Variants in GSE1 observed in about 807,000 individuals in gnomAD.
The protein encoded by GSE1 is genetic suppressor element 1.
Under a neutral mutation model 112.6 loss-of-function variants are expected in GSE1, and 32 were observed. The ratio of observed to expected loss-of-function variants is 0.28; its 90% CI spans 0.21 to 0.38. The LOEUF (loss-of-function observed/expected upper bound fraction) is 0.38, where lower values mean the gene tolerates loss of function less well. GSE1 is among the 10% of genes least tolerant of loss of function. The pLI, the probability that GSE1 is intolerant of heterozygous loss-of-function variation, is 1.00. For missense variants in GSE1, 2,348 were observed against 1,699.2 expected (o/e 1.38, Z -6.71); for synonymous variants, 1,115 against 735.6 (o/e 1.52, Z -8.35).
chr16:85,632,103 G>T (rs1340381280), intron 1 of GSE1, among the ~76,000 whole-genome samples: 1 of 152,176 alleles, frequency 6.6e-6, no homozygotes, highest in South Asian at 2.1e-4. Context: ...TGTCTGTGCC[G>T]GGTTGAAGCG....
At chr16:85,450,946 T>A (rs1759837350) in intron 2 of GSE1, among the ~76,000 whole-genome samples, 1 of 151,920 alleles carries the variant, frequency 6.6e-6, no homozygotes, top group South Asian at 2.1e-4. Context: ...TGGTGGTGTG[T>A]GCCTATAATC....
intron 2 of GSE1, among the ~76,000 whole-genome samples, chr16:85,409,838 G>C (rs1344389454): frequency 1.9e-4 from 2 of 10,542 alleles, no homozygotes; most frequent in African/African-American, 8.8e-4. Context: ...TACACTCAGG[G>C]CCCCCCGGAT....
intron 2 of GSE1, among the ~76,000 whole-genome samples, chr16:85,504,028 C>G (rs1456749108): frequency 6.6e-6 from 1 of 152,338 alleles, no homozygotes; most frequent in Non-Finnish European, 1.5e-5. Context: ...TGCAGAAAAG[C>G]GCCATCCTCC....
intron 2 of GSE1, among the ~76,000 whole-genome samples, chr16:85,480,680 G>T (rs1431086783): frequency 7.0e-6 from 1 of 141,972 alleles, no homozygotes; most frequent in Non-Finnish European, 1.5e-5. Context: ...TGCCTTCCCA[G>T]CAGGTGTGGC....
intron 2 of GSE1, among the ~76,000 whole-genome samples, chr16:85,365,483 A>T (rs564424653): frequency 6.6e-6 from 1 of 152,354 alleles, no homozygotes; most frequent in Non-Finnish European, 1.5e-5. Flanking sequence ...AGCAGAGGGC[A>T]AGTACAGACA....
chr16:85,647,256 C>A (rs1244694800), intron 2 of GSE1, among the ~76,000 whole-genome samples: 1 of 152,190 alleles, frequency 6.6e-6, no homozygotes, highest in Non-Finnish European at 1.5e-5. Context: ...GCCTGCCCTG[C>A]ACCCTCCCCC....
intron 1 of GSE1, among the ~76,000 whole-genome samples, chr16:85,201,087 T>C (rs2075019750): frequency 1.3e-5 from 2 of 152,202 alleles, no homozygotes; most frequent in South Asian, 4.1e-4. Context: ...TGTTTCTTTT[T>C]CTGGAGACAG....
chr16:85,648,391 T>C (rs2051058936), intron 2 of GSE1, among the ~76,000 whole-genome samples, 161 bp from the exon 3 acceptor site: 1 of 151,958 alleles, frequency 6.6e-6, no homozygotes, highest in East Asian at 1.9e-4. Context: ...GAGAGGTGTC[T>C]CCTGCCTGCC....
Position 85,672,394 on chromosome 16 carries a change from CCTCT to C in GSE1, c.3520-7_3520-4del. On this transcript the variant is annotated splice_polypyrimidine_tract_variant and splice_region_variant and intron_variant, in intron 15 of 15. Transcript: ENST00000253458. ...ACGGGTTGGTTTTGACACAAATTTC[CCTCT>C]CTCCAGGAGTTGAGGAGCCAGAAAC... 6.2e-7 allele frequency: 1 copy of C among 1,606,002 alleles called. No homozygotes were observed. Among genetic ancestry groups the C allele is most frequent in the Non-Finnish European group, 8.5e-7 (1 of 1,173,510 alleles).
intron 2 of GSE1, among the ~76,000 whole-genome samples, chr16:85,367,888 T>C (rs2151591854): frequency 6.6e-6 from 1 of 151,218 alleles, no homozygotes; most frequent in South Asian, 2.1e-4. Flanking sequence ...TCACTCTTGT[T>C]GCCCAGGCTA....
At chr16:85,425,220 T>C (rs1221110445) in intron 2 of GSE1, among the ~76,000 whole-genome samples, 1 of 148,570 alleles carries the variant, frequency 6.7e-6, no homozygotes, top group Non-Finnish European at 1.5e-5. Flanking sequence ...TAGAAGCTGC[T>C]TGAGGCATTT....
At chr16:85,281,718 T>A (rs1372618692) in intron 1 of GSE1, among the ~76,000 whole-genome samples, 2 of 152,192 alleles carry the variant, frequency 1.3e-5, no homozygotes, top group African/African-American at 4.8e-5. Flanking sequence ...TTTCAGGGTG[T>A]CAGCCCACTT....
chr16:85,232,197 A>C (rs1303088845), intron 1 of GSE1, among the ~76,000 whole-genome samples: 1 of 151,892 alleles, frequency 6.6e-6, no homozygotes, highest in East Asian at 1.9e-4. Flanking sequence ...CATTTTTATG[A>C]CTCCTTCCTT....
chr16:85,349,911 G>T (rs1483444249), intron 1 of GSE1, among the ~76,000 whole-genome samples: 1 of 152,208 alleles, frequency 6.6e-6, no homozygotes, highest in African/African-American at 2.4e-5. Flanking sequence ...AGGCGTGGGG[G>T]TGCAGAACCA....
upstream of GSE1, chr16:85,554,778 G>A (rs775079959): frequency 2.5e-4 from 159 of 642,660 alleles, no homozygotes; most frequent in East Asian, 5.5e-4. Context: ...TCAGTCGTGG[G>A]GGGGGAGGGA....
In GSE1 at chr16:85,231,272, TGAATG is replaced by T. The variant is rs1196592408; in HGVS notation, c.2283+59468_2283+59472del. Among the ~76,000 whole-genome samples the T allele has an allele frequency of 1.0e-4, 15 of 147,200 alleles. No homozygotes were observed. In the East Asian group the frequency reaches 3.1e-3, roughly 30 times the overall value. The stretch of plus-strand genomic sequence containing the variant: ...ACAGAGGGATGGATGGATGGACAGA[TGAATG>T]GATGGATGAAAGGATGGGTGGATGG... On this transcript the variant is annotated intron_variant, in intron 1 of 2. Coordinates refer to the GSE1 transcript ENST00000637419.
intron 1 of GSE1, among the ~76,000 whole-genome samples, chr16:85,256,921 G>T (rs1028747510): frequency 6.6e-6 from 1 of 152,180 alleles, no homozygotes; most frequent in African/African-American, 2.4e-5. Flanking sequence ...ACATGTGGCC[G>T]GTCTCCACTG....
intron 1 of GSE1, among the ~76,000 whole-genome samples, chr16:85,351,031 C>T (rs1380669057): frequency 6.6e-6 from 1 of 152,222 alleles, no homozygotes; most frequent in African/African-American, 2.4e-5. Context: ...CTGCCTGCCT[C>T]GGCCTCCCAA....
chr16:85,645,728 AGGTCT>A (rs776939141), intron 2 of GSE1, among the ~76,000 whole-genome samples: 2,554 of 152,340 alleles, frequency 0.017, 36 homozygotes, highest in Non-Finnish European at 0.021. Flanking sequence ...AACCAAGGCC[AGGTCT>A]GAACAGAAGT....
Sources: gnomAD v4.1 joint callset for allele counts (sites outside exome capture counted in the v4.1 genomes callset) on GRCh38, gnomAD v4.1.1 for gene constraint, MANE v1.5 for transcripts, NCBI Gene and HGNC (gene_info 2026-07-23, HGNC 2026-07-21) for gene names.